GNB1L: variants seen among roughly 807,000 people sequenced by gnomAD.
The protein encoded by GNB1L is G protein subunit beta 1 like, also known as guanine nucleotide-binding protein subunit beta-like protein 1.
In GNB1L, 20 loss-of-function variants were observed where a neutral mutation model predicts 29.1. The ratio of observed to expected loss-of-function variants is 0.69; its 90% CI spans 0.48 to 1.00. The LOEUF is 1.00. GNB1L is among the 50% of genes least tolerant of loss of function. The pLI is 0.00. For missense variants in GNB1L, 421 were observed against 464.9 expected (o/e 0.91, Z 0.87); for synonymous variants, 193 against 206.5 (o/e 0.93, Z 0.56).
At chr22:19,846,624 C>G (rs1170539263) in intron 2 of GNB1L, 19 of 881,208 alleles carry the variant, frequency 2.2e-5, no homozygotes, top group Non-Finnish European at 2.6e-5. Context: ...GTCCTAACCC[C>G]TAGTACTTAC....
intron 7 of GNB1L, among the ~76,000 whole-genome samples, chr22:19,797,680 T>C (rs1937322324): frequency 6.6e-6 from 1 of 152,134 alleles, no homozygotes; most frequent in Admixed American, 6.5e-5. Flanking sequence ...GCCAGTGAGG[T>C]AGGCGCCTTG....
Position 19,802,075 on chromosome 22 carries a change from T to G in GNB1L, c.658A>C (p.Lys220Gln). The change falls in exon 7 of 8, where the codon AAG becomes CAG. Residue 220 changes from lysine to glutamine, a missense_variant. Lys to Gln is a moderately conservative substitution (Grantham distance 53). Transcript: ENST00000329517. ...PVMDLDFDSQ[K>Q]ARGISGSAGK... ...GCGGAGCCTGAGATGCCCCTGGCCT[T>G]CTGGGAGTCAAAGTCAAGGTCCATG... 1 of 1,613,390 alleles carries G rather than the reference T, an allele frequency of 6.2e-7. No individual in the cohort carries two copies. Among genetic ancestry groups the G allele is most frequent in the East Asian group, 2.2e-5 (1 of 44,874 alleles).
rs117018341 is a variant in GNB1L at position 19,822,603 on chromosome 22, T to G, written c.-20-1228A>C. Among the ~76,000 whole-genome samples the G allele has an allele frequency of 2.3e-3, 354 of 152,262 alleles. 13 individuals are homozygous for G. In the East Asian group the frequency reaches 0.058, roughly 25 times the overall value. ...TGGGGCAGCCTGTCACAGGGGGCCT[T>G]TCCCACTGGGCTCTGGGACAGTGGG... is the stretch of plus-strand genomic sequence containing the variant. On this transcript the variant is annotated intron_variant, in intron 2 of 7. Coordinates refer to ENST00000329517, the MANE Select transcript of GNB1L (RefSeq NM_053004.3).
At chr22:19,830,416 TAAC>T (rs1304023793) in intron 2 of GNB1L, among the ~76,000 whole-genome samples, 9 of 152,136 alleles carry the variant, frequency 5.9e-5, no homozygotes, top group Middle Eastern at 3.4e-3. Context: ...ACAAAAATAA[TAAC>T]CAGTTAGAGA....
intron 2 of GNB1L, chr22:19,850,913 A>G (rs564369877): frequency 7.3e-7 from 1 of 1,363,896 alleles, no homozygotes; most frequent in East Asian, 2.7e-5. Context: ...GTGAGACGGC[A>G]CTCCCAGAAG....
intron 2 of GNB1L, chr22:19,851,071 G>A: frequency 1.4e-6 from 2 of 1,467,022 alleles, no homozygotes; most frequent in African/African-American, 2.8e-5. Context: ...AAGTCATCTG[G>A]GGACACCACT....
chr22:19,844,169 G>A (rs1404992225), intron 2 of GNB1L, among the ~76,000 whole-genome samples: 1 of 152,226 alleles, frequency 6.6e-6, no homozygotes, highest in African/African-American at 2.4e-5. Flanking sequence ...TTCCAGATAG[G>A]CCCTGCTGCG....
At chr22:19,823,818 C>G (rs1453446605) in intron 2 of GNB1L, among the ~76,000 whole-genome samples, 6 of 152,154 alleles carry the variant, frequency 3.9e-5, no homozygotes, top group African/African-American at 1.4e-4. Context: ...CACACATGCA[C>G]ACACACAGGC....
chr22:19,843,220 G>A (rs1207091584), intron 2 of GNB1L, among the ~76,000 whole-genome samples: 1 of 152,210 alleles, frequency 6.6e-6, no homozygotes, highest in Non-Finnish European at 1.5e-5. Context: ...ATTACAGAGG[G>A]CCAGCCTCCC....
rs1408528282 is a variant in GNB1L, at chr22:19,787,638, G to A, written c.*1071C>T. ...AGGAGCATCGGCAGGGCCTTGCAGG[G>A]CAACTGCCTCAAGGGAGGCCACCCC... is the stretch of plus-strand genomic sequence containing the variant. On this transcript the variant is annotated 3_prime_UTR_variant, in exon 8 of 8. Transcript: ENST00000329517. The A allele has an allele frequency of 3.9e-5, 6 of 152,308 alleles. No individual in the cohort carries two copies. The highest frequency in any genetic ancestry group is 1.2e-4 in the African/African-American group (5 of 41,464). The allele number at this position is 152,308 out of a possible 1,614,324, so 9.4% of individuals were successfully genotyped here. A position where few individuals can be genotyped will look rare whatever the true frequency, so the allele number is the denominator to read the frequency against.
intron 7 of GNB1L, chr22:19,792,285 C>T: frequency 1.4e-6 from 1 of 701,672 alleles, no homozygotes; most frequent in South Asian, 1.6e-5. Flanking sequence ...CTCTCTCCCA[C>T]CACCCAAGAT....
At chr22:19,823,213 G>A (rs759580803) in intron 2 of GNB1L, among the ~76,000 whole-genome samples, 63 of 152,200 alleles carry the variant, frequency 4.1e-4, no homozygotes, top group Non-Finnish European at 7.4e-4. Flanking sequence ...TTTTGAGGGG[G>A]ATGAGAGAGG....
At chr22:19,851,298 G>C (rs996413505) in intron 2 of GNB1L, 1 of 1,613,774 alleles carries the variant, frequency 6.2e-7, no homozygotes, top group African/African-American at 1.3e-5. Flanking sequence ...TGGGGTTTTG[G>C]ACCTCCTGGA....
At chr22:19,821,151 A>G in intron 3 of GNB1L, 77 bp downstream of exon 3, 17 of 1,437,360 alleles carry the variant, frequency 1.2e-5, no homozygotes, top group Non-Finnish European at 1.6e-5. Flanking sequence ...CCCTCAAACA[A>G]GCGCTGGGCT....
intron 5 of GNB1L, among the ~76,000 whole-genome samples, chr22:19,811,896 T>C (rs1402093532): frequency 6.6e-6 from 1 of 151,888 alleles, no homozygotes; most frequent in Non-Finnish European, 1.5e-5. Flanking sequence ...CCCCGGAGCG[T>C]TCCTCCCACT....
intron 2 of GNB1L, among the ~76,000 whole-genome samples, chr22:19,833,548 G>T (rs1026503893): frequency 8.5e-5 from 13 of 152,068 alleles, no homozygotes; most frequent in African/African-American, 3.1e-4. Flanking sequence ...CTAGGCAACA[G>T]AGCAAGACCC....
At chr22:19,802,945 G>A (rs944588451) in intron 6 of GNB1L, among the ~76,000 whole-genome samples, 19 of 152,226 alleles carry the variant, frequency 1.2e-4, no homozygotes, top group East Asian at 1.9e-4. Context: ...GGACACAGCC[G>A]TCAGTCCCCG....
intron 2 of GNB1L, among the ~76,000 whole-genome samples, chr22:19,823,815 GCA>G (rs1937598166): frequency 6.6e-6 from 1 of 151,948 alleles, no homozygotes; most frequent in Non-Finnish European, 1.5e-5. Flanking sequence ...ACACACACAT[GCA>G]CACACACAGG....
intron 2 of GNB1L, chr22:19,851,768 G>C (rs770358573): frequency 1.9e-6 from 3 of 1,612,580 alleles, no homozygotes; most frequent in Non-Finnish European, 2.5e-6. Context: ...GTAATCGTCA[G>C]GCAGGGGCAG....
Sources: allele counts gnomAD v4.1 joint callset (sites outside exome capture counted in the v4.1 genomes callset), GRCh38; gene constraint gnomAD v4.1.1; transcripts MANE v1.5; gene names NCBI Gene and HGNC (gene_info 2026-07-23, HGNC 2026-07-21).